GRIK2: variants seen among roughly 807,000 people sequenced by gnomAD.
The protein encoded by GRIK2 is glutamate receptor ionotropic, kainate 2.
A neutral mutation model predicts 100.3 loss-of-function variants in GRIK2; 32 were observed. That is an observed-to-expected ratio of 0.32 (90% CI 0.24 to 0.43). The LOEUF is 0.43. GRIK2 is among the 20% of genes least tolerant of loss of function. GRIK2 has a pLI of 1.00. For synonymous variants in GRIK2, 417 were observed against 389.4 expected (o/e 1.07, Z -0.83); for missense variants, 843 against 1,114.9 (o/e 0.76, Z 3.47).
intron 2 of GRIK2, among the ~76,000 whole-genome samples, chr6:101,533,249 T>G (rs1284192193): frequency 1.3e-5 from 2 of 151,858 alleles, no homozygotes; most frequent in East Asian, 1.9e-4. Context: ...AAATGCCCTT[T>G]GGGAAGTGAT....
At chr6:101,936,383 G>A (rs932832078) in intron 14 of GRIK2, among the ~76,000 whole-genome samples, 6 of 152,002 alleles carry the variant, frequency 3.9e-5, no homozygotes, top group Non-Finnish European at 8.8e-5. Context: ...GTAGTATTTT[G>A]TTCAATAAAA....
intron 14 of GRIK2, among the ~76,000 whole-genome samples, chr6:102,031,078 C>CACACACAG (rs1385469378): frequency 2.8e-4 from 11 of 39,138 alleles, no homozygotes; most frequent in Non-Finnish European, 5.0e-4. Flanking sequence ...TTATGCATTA[C>CACACACAG]ACACACACAC....
At chr6:102,044,656 G>A (rs1197222967) in intron 15 of GRIK2, among the ~76,000 whole-genome samples, 1 of 151,950 alleles carries the variant, frequency 6.6e-6, no homozygotes, top group Non-Finnish European at 1.5e-5. Context: ...CAATACATGG[G>A]AATTATGGGA....
intron 7 of GRIK2, among the ~76,000 whole-genome samples, chr6:101,747,114 G>C (rs960329582): frequency 1.3e-5 from 2 of 152,126 alleles, no homozygotes; most frequent in African/African-American, 4.8e-5. Flanking sequence ...TCCCCACCAA[G>C]TTTGGTATCT....
At chr6:101,873,724 T>C (rs1318192144) in intron 11 of GRIK2, among the ~76,000 whole-genome samples, 4 of 151,978 alleles carry the variant, frequency 2.6e-5, no homozygotes, top group Admixed American at 2.0e-4. Flanking sequence ...AGTGTAAAAG[T>C]GTTCCTATTT....
At chr6:101,477,111 A>G (rs919941588) in intron 2 of GRIK2, among the ~76,000 whole-genome samples, 2 of 152,202 alleles carry the variant, frequency 1.3e-5, no homozygotes, top group African/African-American at 4.8e-5. Flanking sequence ...ACTGTATAAA[A>G]TAAAGTAAAA....
chr6:101,489,646 T>A (rs28412583), intron 2 of GRIK2, among the ~76,000 whole-genome samples: 23,380 of 145,340 alleles, frequency 0.16, 3,781 homozygotes, highest in Middle Eastern at 0.24. Context: ...GCTGTTGAAA[T>A]GACTATCCAG....
chr6:101,397,222 T>C (rs1775044637), intron 1 of GRIK2, among the ~76,000 whole-genome samples: 1 of 152,228 alleles, frequency 6.6e-6, no homozygotes, highest in Admixed American at 6.5e-5. Context: ...TCAGTTATAT[T>C]GGCAGATAAA....
chr6:101,830,134 C>A (rs1016863471), intron 10 of GRIK2, among the ~76,000 whole-genome samples: 1 of 151,996 alleles, frequency 6.6e-6, no homozygotes, highest in Non-Finnish European at 1.5e-5. Flanking sequence ...ACTCCTACAA[C>A]CAACTGATCT....
chr6:101,901,245 C>T (rs913772402), intron 12 of GRIK2, among the ~76,000 whole-genome samples: 1 of 151,796 alleles, frequency 6.6e-6, no homozygotes, highest in Non-Finnish European at 1.5e-5. Flanking sequence ...TTACTATTCT[C>T]AATTTAAAGC....
chr6:101,839,617 G>T (rs1188273828), intron 10 of GRIK2, among the ~76,000 whole-genome samples: 1 of 152,132 alleles, frequency 6.6e-6, no homozygotes, highest in South Asian at 2.1e-4. Context: ...AGGTGGAATT[G>T]TTGTTCACTG....
At chr6:101,551,350 T>C (rs985592947) in intron 2 of GRIK2, among the ~76,000 whole-genome samples, 2 of 152,140 alleles carry the variant, frequency 1.3e-5, no homozygotes, top group African/African-American at 4.8e-5. Flanking sequence ...TAAATCCTTC[T>C]AAGTTATATT....
chr6:101,412,168 T>C (rs1193273602), intron 2 of GRIK2, among the ~76,000 whole-genome samples: 3 of 152,088 alleles, frequency 2.0e-5, no homozygotes, highest in Admixed American at 6.6e-5. Flanking sequence ...TGTTACATCA[T>C]GGTGCTGAGA....
chr6:101,716,623 A>G (rs938238417), intron 7 of GRIK2, among the ~76,000 whole-genome samples: 12 of 113,996 alleles, frequency 1.1e-4, no homozygotes, highest in Admixed American at 7.1e-4. Flanking sequence ...GGGGGGAGGG[A>G]TAGCATTAGG....
chr6:101,931,080 C>A (rs1185483099), intron 14 of GRIK2, among the ~76,000 whole-genome samples: 1 of 152,080 alleles, frequency 6.6e-6, no homozygotes. Flanking sequence ...CACAAGACTA[C>A]ATTAAATGTT....
intron 2 of GRIK2, among the ~76,000 whole-genome samples, chr6:101,433,198 G>A (rs1000364780): frequency 9.2e-5 from 14 of 152,040 alleles, no homozygotes; most frequent in Non-Finnish European, 1.9e-4. Context: ...TCATAGACAC[G>A]AAAAAGTATG....
chr6:101,509,656 G>A (rs542845880), intron 2 of GRIK2, among the ~76,000 whole-genome samples: 1 of 152,270 alleles, frequency 6.6e-6, no homozygotes, highest in South Asian at 2.1e-4. Flanking sequence ...ATATGTGTCT[G>A]AGTTAGATAT....
intron 2 of GRIK2, among the ~76,000 whole-genome samples, chr6:101,617,201 T>C (rs1212983178): frequency 1.3e-5 from 2 of 151,708 alleles, no homozygotes; most frequent in Admixed American, 1.3e-4. Flanking sequence ...AGTGCACACA[T>C]GATACAAGTA....
chr6:101,492,026 T>A (rs1773149888), intron 2 of GRIK2, among the ~76,000 whole-genome samples: 1 of 151,908 alleles, frequency 6.6e-6, no homozygotes, highest in Non-Finnish European at 1.5e-5. Flanking sequence ...GAAGTTAGGA[T>A]GTAGCAGTAT....
Sources: allele counts gnomAD v4.1 joint callset (sites outside exome capture counted in the v4.1 genomes callset), GRCh38; gene constraint gnomAD v4.1.1; transcripts MANE v1.5; gene names NCBI Gene and HGNC (gene_info 2026-07-23, HGNC 2026-07-21).